The following RELN variants were observed in gnomAD, a reference collection of about 807,000 sequenced individuals.
The protein encoded by RELN is reelin.
In RELN, 108 loss-of-function variants were observed where a neutral mutation model predicts 427.6. The ratio of observed to expected loss-of-function variants is 0.25; its 90% confidence interval spans 0.22 to 0.30. RELN has a LOEUF of 0.30. Among genes scored for constraint, RELN ranks in the 10% least tolerant of loss-of-function variants. The probability of loss-of-function intolerance (pLI) is 1.00; values close to 1 mark genes in which losing one functional copy is unlikely to be tolerated. For synonymous variants in RELN, 1,524 were observed against 1,513.4 expected, an observed-to-expected ratio of 1.01 and a Z score of -0.16; for missense variants, 3,715 against 4,302.8, an observed-to-expected ratio of 0.86 and a Z score of 3.82.
intron 8 of RELN, among the ~76,000 whole-genome samples, chr7:103,722,429 T>A (rs1487593228): frequency 6.6e-6 from 1 of 152,128 alleles, no homozygotes; most frequent in Non-Finnish European, 1.5e-5. Flanking sequence ...GGGGTTTCGC[T>A]CTAATGGGAC....
At chr7:103,816,610 T>C (rs543097662) in intron 3 of RELN, among the ~76,000 whole-genome samples, 15 of 150,600 alleles carry the variant, frequency 1.0e-4, no homozygotes, top group African/African-American at 3.7e-4. Context: ...AGGTTCTACA[T>C]GAAAATAATT....
chr7:103,684,111 A>G (rs753003269), intron 10 of RELN, among the ~76,000 whole-genome samples: 12 of 152,148 alleles, frequency 7.9e-5, no homozygotes, highest in Non-Finnish European at 1.6e-4. Context: ...TTCCTGAGCT[A>G]TTTGAGAGCA....
At chr7:103,699,454 GT>G (rs1392195072) in intron 9 of RELN, among the ~76,000 whole-genome samples, 1 of 152,062 alleles carries the variant, frequency 6.6e-6, no homozygotes, top group Admixed American at 6.5e-5. Context: ...ACCTCCACTG[GT>G]AAGGGAAATT....
intron 2 of RELN, among the ~76,000 whole-genome samples, chr7:103,862,317 G>A (rs1794087513): frequency 6.6e-6 from 1 of 152,068 alleles, no homozygotes. Flanking sequence ...TAGTCTTCAG[G>A]TGGATAAAAG....
intron 9 of RELN, 22 bp from the exon 10 acceptor site, chr7:103,698,115 C>T (rs1834017201): frequency 6.2e-7 from 1 of 1,613,322 alleles, no homozygotes; most frequent in South Asian, 1.1e-5. Context: ...AGAGAGATGG[C>T]AAGTTTAGCA....
rs1353269053 is a variant in RELN, at chr7:103,972,548, A to C, written c.226+16583T>G. Among the ~76,000 whole-genome samples the C allele has an allele frequency of 2.6e-5, 4 of 152,288 alleles. No homozygotes were observed. The East Asian group carries it at 5.8e-4, about 22-fold the overall frequency. On this transcript the variant is annotated intron_variant, in intron 1 of 64. Coordinates refer to ENST00000428762, the MANE Select transcript of RELN (RefSeq NM_005045.4). ...AGAAGCACTGGCAGGGATGGAATGC[A>C]GATGAAGTATGGGCAGATCCCCATC...
chr7:103,966,013 T>A (rs1353023505), intron 1 of RELN, among the ~76,000 whole-genome samples: 4 of 152,170 alleles, frequency 2.6e-5, no homozygotes. Flanking sequence ...TCTTAGAAAC[T>A]GAGTCTTTAA....
chr7:103,541,713 A>C (rs1268151459), intron 43 of RELN, among the ~76,000 whole-genome samples: 2 of 152,242 alleles, frequency 1.3e-5, no homozygotes, highest in Admixed American at 6.5e-5. Flanking sequence ...GTGATAGATA[A>C]ACCATGAGAC....
chr7:103,904,474 A>T (rs1584351593), intron 2 of RELN, among the ~76,000 whole-genome samples: 1 of 152,280 alleles, frequency 6.6e-6, no homozygotes, highest in East Asian at 1.9e-4. Flanking sequence ...TCCCACCAAC[A>T]GTGTAAAAGC....
intron 20 of RELN, among the ~76,000 whole-genome samples, chr7:103,623,032 G>A (rs1294887437): frequency 6.6e-6 from 1 of 152,074 alleles, no homozygotes; most frequent in Non-Finnish European, 1.5e-5. Flanking sequence ...AAATAAATAG[G>A]CTCTAGCTTA....
At chr7:103,923,070 A>G (rs1218265490) in intron 1 of RELN, among the ~76,000 whole-genome samples, 7 of 152,226 alleles carry the variant, frequency 4.6e-5, no homozygotes, top group African/African-American at 1.4e-4. Context: ...AAACGCCAGC[A>G]GAATCTAATA....
At chr7:103,751,348 T>A (rs1790994478) in intron 5 of RELN, among the ~76,000 whole-genome samples, 1 of 152,252 alleles carries the variant, frequency 6.6e-6, no homozygotes, top group African/African-American at 2.4e-5. Context: ...GGAAGCATAA[T>A]TTCACATTCT....
chr7:103,620,990 T>C lies in RELN; in HGVS notation c.2702+8950A>G, dbSNP rs1378352095. On this transcript the variant is annotated intron_variant, in intron 20 of 64. Transcript: ENST00000428762. This position sits in a 1 kb window ranked among gnomAD's most constrained non-coding sequence, Gnocchi z 4.1. ...TACACGAGGAATCTTTGAAATTATC[T>C]TTCTTTTTCCTTCCAACTCTGTGCA... Among the ~76,000 whole-genome samples the C allele has an allele frequency of 6.6e-6, 1 of 152,350 alleles. No homozygotes were observed. The highest frequency in any genetic ancestry group is 1.9e-4 in the East Asian group (1 of 5,190).
intron 3 of RELN, among the ~76,000 whole-genome samples, chr7:103,793,488 G>C (rs954641005): frequency 6.6e-6 from 1 of 152,174 alleles, no homozygotes; most frequent in Admixed American, 6.5e-5. Context: ...TAATTAGACT[G>C]ACTCTTCTCA....
intron 16 of RELN, among the ~76,000 whole-genome samples, chr7:103,646,918 C>A (rs1047132332): frequency 4.0e-5 from 6 of 151,816 alleles, no homozygotes; most frequent in African/African-American, 1.4e-4. Context: ...ACAACATGAT[C>A]AAGTGGGTTT....
chr7:103,774,062 G>A (rs1045928819), intron 4 of RELN, among the ~76,000 whole-genome samples: 45 of 152,068 alleles, frequency 3.0e-4, no homozygotes, highest in Non-Finnish European at 5.4e-4. Flanking sequence ...TTGGGAGGTT[G>A]AGGCAGGCTG....
In RELN at chr7:103,706,127, G is replaced by A. The variant is rs568358527; in HGVS notation, c.806-5121C>T. ...CTGGACATGCTATAAATTCAATAAC[G>A]ATATGAAAACCAAGATCTAACTGAG... is the stretch of plus-strand genomic sequence containing the variant. On this transcript the variant is annotated intron_variant, in intron 8 of 64. Transcript: ENST00000428762. Among the ~76,000 whole-genome samples the A allele has an allele frequency of 1.3e-3, 190 of 151,718 alleles. 1 individual carries two copies. Among genetic ancestry groups the A allele is most frequent in the Non-Finnish European group, 2.5e-3 (169 of 67,950 alleles).
intron 2 of RELN, among the ~76,000 whole-genome samples, chr7:103,848,839 T>A (rs1230381887): frequency 6.6e-6 from 1 of 152,192 alleles, no homozygotes; most frequent in Non-Finnish European, 1.5e-5. Context: ...TAACTGATAG[T>A]TTTTAAAAAT....
intron 38 of RELN, among the ~76,000 whole-genome samples, chr7:103,554,742 A>G (rs961032148): frequency 1.3e-5 from 2 of 152,072 alleles, no homozygotes; most frequent in Non-Finnish European, 2.9e-5. Flanking sequence ...CCCTGGCAAG[A>G]GTGGGTTTTG....
Sources: gnomAD v4.1 joint callset for allele counts (sites outside exome capture counted in the v4.1 genomes callset) on GRCh38, gnomAD v4.1.1 for gene constraint, Gnocchi (gnomAD v3.1) non-coding constraint, MANE v1.5 for transcripts, NCBI Gene and HGNC (gene_info 2026-07-23, HGNC 2026-07-21) for gene names.